Variants in PRMT5 observed in about 807,000 individuals in gnomAD.
PRMT5 encodes protein arginine N-methyltransferase 5.
PRMT5 carries 15 observed loss-of-function variants against 84.0 expected under a neutral mutation model. The observed-to-expected ratio is 0.18, with a 90% CI of 0.12 to 0.28. The LOEUF (loss-of-function observed/expected upper bound fraction) is 0.28. Among genes scored for constraint, PRMT5 ranks in the 10% least tolerant of loss-of-function variants. The probability of loss-of-function intolerance (pLI) is 1.00; values close to 1 mark genes in which losing one functional copy is unlikely to be tolerated. For synonymous variants in PRMT5, 276 were observed against 292.4 expected (o/e 0.94, Z 0.57); for missense variants, 486 against 808.0 (o/e 0.60, Z 4.83).
rs1594512650 is a variant in PRMT5, at chr14:22,923,287, A to T, written c.1376-127T>A. 1 of 634,754 alleles carries T rather than the reference A, an allele frequency of 1.6e-6. No homozygotes were observed. The highest frequency in any genetic ancestry group is 2.7e-6 in the Non-Finnish European group (1 of 370,700). The allele number at this position is 634,754 out of a possible 1,614,324, so 39.3% of individuals were successfully genotyped here. ...CAACGTTGGCATGGGCATGGAAGAA[A>T]GAGACAAATGCATGTTGTCACATTA... On this transcript the variant is annotated intron_variant, in intron 12 of 16. Coordinates refer to ENST00000324366, the MANE Select transcript of PRMT5 (RefSeq NM_006109.5). The surrounding 1 kb of genome is among the most constrained non-coding windows in gnomAD (Gnocchi z 5.2).
chr14:22,926,445 T>C (rs200232555), intron 6 of PRMT5, 61 bp downstream of exon 6: 9 of 1,601,646 alleles, frequency 5.6e-6, no homozygotes, highest in Non-Finnish European at 7.7e-6. Context: ...ATGAAATTCC[T>C]GATTCTTATT....
rs888194289 is a variant in PRMT5 at position 22,928,686 on chromosome 14, G to A, written c.111-71C>T. The A allele has an allele frequency of 7.9e-7, 1 of 1,264,624 alleles. No homozygotes were observed. Among genetic ancestry groups the A allele is most frequent in the South Asian group, 1.2e-5 (1 of 83,690 alleles). The allele number at this position is 1,264,624 out of a possible 1,614,324, so 78.3% of individuals were successfully genotyped here. A position where few individuals can be genotyped will look rare whatever the true frequency, so the allele number is the denominator to read the frequency against. ...CCAGAGAGCCAAGCAACTGGATTTA[G>A]GCTATCTTGATTTTGCACAGCCCTT... On this transcript the variant is annotated intron_variant, in intron 1 of 16. Coordinates refer to ENST00000324366, the MANE Select transcript of PRMT5 (RefSeq NM_006109.5). The surrounding 1 kb of genome is among the most constrained non-coding windows in gnomAD (Gnocchi z 4.8).
Position 22,927,277 on chromosome 14 carries a change from G to A in PRMT5, c.450+249C>T, listed in dbSNP as rs150519062. On this transcript the variant is annotated intron_variant, in intron 4 of 16. Coordinates refer to ENST00000324366, the MANE Select transcript of PRMT5 (RefSeq NM_006109.5). ...ATTTGTGTTTTTTTGTTTTTGTTTT[G>A]GTTTTGGTTTTTTATACAGACAGGA... Among the ~76,000 whole-genome samples, 9 of 151,378 alleles carry A rather than the reference G, an allele frequency of 5.9e-5. 1 individual carries two copies. The highest frequency in any genetic ancestry group is 1.0e-4 in the Non-Finnish European group (7 of 67,802).
At position 22,923,480 on chromosome 14, in the gene PRMT5, A is replaced by G. The variant is rs1038566305; in HGVS notation, c.1376-320T>C. 2.0e-5 allele frequency: 4 copies of G among 198,734 alleles called. No individual in the cohort carries two copies. Among genetic ancestry groups the G allele is most frequent in the Non-Finnish European group, 4.0e-5 (4 of 100,462 alleles). 12.3% of individuals were successfully genotyped at this position (198,734 alleles called of 1,614,324 possible). A position where few individuals can be genotyped will look rare whatever the true frequency, so the allele number is the denominator to read the frequency against. ...AAAGTTCCTGATGAAAGCTAAGCTC[A>G]GGGTACATATGTCATATTTATTTAT... On this transcript the variant is annotated intron_variant, in intron 12 of 16. Transcript: ENST00000324366. This position sits in a 1 kb window ranked among gnomAD's most constrained non-coding sequence, Gnocchi z 5.2.
chr14:22,924,552 G>T lies in PRMT5; in HGVS notation c.1018-15C>A. ...TTATAGATGGCCTGGAGGGAGGAGA[G>T]AATATCCCATGGTTGTAATCCCATC... On this transcript the variant is annotated splice_polypyrimidine_tract_variant and intron_variant, in intron 9 of 16. Transcript: ENST00000324366. This position sits in a 1 kb window ranked among gnomAD's most constrained non-coding sequence, Gnocchi z 6.5. The T allele has an allele frequency of 6.2e-7, 1 of 1,613,786 alleles. No individual in the cohort carries two copies. Among genetic ancestry groups the T allele is most frequent in the East Asian group, 2.2e-5 (1 of 44,872 alleles).
In PRMT5 at chr14:22,924,212, G is replaced by A. The variant is rs778381951; in HGVS notation, c.1200-29C>T. On this transcript the variant is annotated intron_variant, in intron 11 of 16. Coordinates refer to ENST00000324366, the MANE Select transcript of PRMT5 (RefSeq NM_006109.5). The surrounding 1 kb of genome is among the most constrained non-coding windows in gnomAD (Gnocchi z 6.5). Reference sequence around the variant, plus strand: ...AAACAGAGACAATAAGGTAAGGAGAGATGTTAAGGAAATTTGGCAATGAGG... The same window carrying A: ...AAACAGAGACAATAAGGTAAGGAGAAATGTTAAGGAAATTTGGCAATGAGG... The A allele has an allele frequency of 2.4e-5, 38 of 1,611,684 alleles. 1 individual carries two copies. In the South Asian group the frequency reaches 2.9e-4, roughly 12 times the overall value.
rs1423011222 is a variant in PRMT5 at position 22,920,874 on chromosome 14, T to C, written c.*30A>G. On this transcript the variant is annotated 3_prime_UTR_variant, in exon 17 of 17. Coordinates refer to ENST00000324366, the MANE Select transcript of PRMT5 (RefSeq NM_006109.5). The stretch of plus-strand genomic sequence containing the variant: ...TACAGGAGCAGAACCTGAAGCTGCT[T>C]CCAAGGCTCTGGACACTTGGCACGC... The C allele has an allele frequency of 1.9e-6, 3 of 1,612,528 alleles. No homozygotes were observed. In the South Asian group the frequency reaches 3.3e-5, roughly 18 times the overall value.
rs1357378857 is a variant in PRMT5, at chr14:22,922,540, G to A, written c.1599C>T (p.Asn533=). The change falls in exon 15 of 17, where the codon AAC becomes AAT. Residue 533 remains asparagine, a synonymous_variant. Transcript: ENST00000324366. The part of the protein sequence containing the change: ...HPNRDPMIDN[N]RYCTLEFPVE... ...CAGGAAATTCCAAGGTGCAATAGCG[G>A]TTGTTGTCAATCATAGGATCTGTCA... is the stretch of plus-strand genomic sequence containing the variant. 1.9e-6 allele frequency: 3 copies of A among 1,613,844 alleles called. No homozygotes were observed. Among genetic ancestry groups the A allele is most frequent in the Non-Finnish European group, 1.7e-6 (2 of 1,179,736 alleles).
intron 7 of PRMT5, 150 bp from the exon 8 acceptor site, chr14:22,925,190 C>G: frequency 1.1e-6 from 1 of 913,924 alleles, no homozygotes; most frequent in Non-Finnish European, 1.6e-6. Context: ...GAGTCTCGCT[C>G]TATTGCCCAG....
chr14:22,922,119 A>C (rs866127993), intron 16 of PRMT5, 57 bp downstream of exon 16: 2 of 1,427,890 alleles, frequency 1.4e-6, no homozygotes, highest in Middle Eastern at 1.7e-4. Flanking sequence ...GGAAAGAAGC[A>C]CAACACCAAA....
chr14:22,922,633 CAGGAAAGGAAGAGT>C, intron 14 of PRMT5, 74 bp from the exon 15 acceptor site: 2 of 1,519,972 alleles, frequency 1.3e-6, no homozygotes, highest in Non-Finnish European at 1.8e-6. Context: ...GAGCAAGACC[CAGGAAAGGAAGAGT>C]AGATAAGGCA....
chr14:22,927,483 GACT>G (rs1566635906), intron 4 of PRMT5, 40 bp downstream of exon 4: 3 of 1,611,048 alleles, frequency 1.9e-6, no homozygotes, highest in Non-Finnish European at 2.5e-6. Context: ...AGCACAATCT[GACT>G]ACTATGATAT....
rs760261443 is a variant in PRMT5 at position 22,924,437 on chromosome 14, T to G, written c.1076+42A>C. On this transcript the variant is annotated intron_variant, in intron 10 of 16. Coordinates refer to ENST00000324366, the MANE Select transcript of PRMT5 (RefSeq NM_006109.5). The surrounding 1 kb of genome is among the most constrained non-coding windows in gnomAD (Gnocchi z 6.5). ...GTCAAGCAGACTTGGCATATACAGA[T>G]ATAGGTATGCAAGTCCCTGAGATTG... The G allele has an allele frequency of 1.1e-5, 18 of 1,613,776 alleles. No homozygotes were observed. The highest frequency in any genetic ancestry group is 1.4e-5 in the Non-Finnish European group (16 of 1,179,802).
chr14:22,924,590 T>C lies in PRMT5; in HGVS notation c.1017+42A>G. ...TTGTAATCCCATCCTCCCCAGGTCA[T>C]GCTGGCCCTGTGCTTTCCTCACCCT... On this transcript the variant is annotated intron_variant, in intron 9 of 16. Coordinates refer to ENST00000324366, the MANE Select transcript of PRMT5 (RefSeq NM_006109.5). This position sits in a 1 kb window ranked among gnomAD's most constrained non-coding sequence, Gnocchi z 6.5. The C allele has an allele frequency of 2.5e-6, 4 of 1,612,614 alleles. No homozygotes were observed. The highest frequency in any genetic ancestry group is 3.4e-6 in the Non-Finnish European group (4 of 1,178,592).
chr14:22,921,654 G>A (rs142791641), intron 16 of PRMT5, among the ~76,000 whole-genome samples: 1 of 152,160 alleles, frequency 6.6e-6, no homozygotes, highest in Non-Finnish European at 1.5e-5. Context: ...GGAGGCTGAG[G>A]TGGGCGGATC....
At position 22,928,997 on chromosome 14, in the gene PRMT5, TA is replaced by T. The variant is rs2044487626; in HGVS notation, c.110+254del. On this transcript the variant is annotated intron_variant, in intron 1 of 16. Coordinates refer to ENST00000324366, the MANE Select transcript of PRMT5 (RefSeq NM_006109.5). The surrounding 1 kb of genome is among the most constrained non-coding windows in gnomAD (Gnocchi z 4.8). Reference sequence around the variant, plus strand: ...AACACCTCCTCCCACTCCCAGACAATAATCGCGACCTCCAGGGCCCTTTAGA... The same window carrying T: ...AACACCTCCTCCCACTCCCAGACAATATCGCGACCTCCAGGGCCCTTTAGA... 2.5e-6 allele frequency: 2 copies of T among 798,936 alleles called. No individual in the cohort carries two copies. Among genetic ancestry groups the T allele is most frequent in the Admixed American group, 5.6e-5 (2 of 35,458 alleles). The allele number at this position is 798,936 out of a possible 1,614,324, so 49.5% of individuals were successfully genotyped here. A position where few individuals can be genotyped will look rare whatever the true frequency, so the allele number is the denominator to read the frequency against.
At chr14:22,926,111 T>G (rs746392639) in intron 7 of PRMT5, 22 bp downstream of exon 7, 1 of 1,588,266 alleles carries the variant, frequency 6.3e-7, no homozygotes, top group East Asian at 2.2e-5. Context: ...TGGACTACCT[T>G]TAGAACCCTC....
chr14:22,924,274 C>A lies in PRMT5; in HGVS notation c.1195G>T (p.Val399Leu). 1 of 1,614,110 alleles carries A rather than the reference C, an allele frequency of 6.2e-7. No individual in the cohort carries two copies. The highest frequency in any genetic ancestry group is 8.5e-7 in the Non-Finnish European group (1 of 1,179,986). The change falls in exon 11 of 17, where the codon GTG becomes TTG. Residue 399 changes from valine to leucine, a missense_variant. By Grantham distance (32) the Val-to-Leu change is conservative. Transcript: ENST00000324366. This position sits in a 1 kb window ranked among gnomAD's most constrained non-coding sequence, Gnocchi z 6.5. ...AGCAAGCAGGTTGCTACTCACGTCA[C>A]CACGGCATTTGGGTTTTTCTCCACA... is the stretch of plus-strand genomic sequence containing the variant. ...YAVEKNPNAV[V>L]TLENWQFEEW...
At position 22,926,771 on chromosome 14, in the gene PRMT5, T is replaced by C; in HGVS notation, c.494A>G (p.Asp165Gly). The C allele has an allele frequency of 6.2e-7, 1 of 1,614,126 alleles. No homozygotes were observed. The highest frequency in any genetic ancestry group is 8.5e-7 in the Non-Finnish European group (1 of 1,180,020). The change falls in exon 5 of 17, where the codon GAT becomes GGT. Residue 165 changes from aspartate to glycine, a missense_variant. By Grantham distance (94) the Asp-to-Gly change is moderately conservative. Transcript: ENST00000324366. ...AGTTGGTGCATTCTCAATTATATCA[T>C]CTCTCAGGTCCTCTGGTGCCACCAA... ...VPLVAPEDLR[D>G]DIIENAPTTH...
Sources: allele counts gnomAD v4.1 joint callset (sites outside exome capture counted in the v4.1 genomes callset), GRCh38; gene constraint gnomAD v4.1.1; non-coding constraint Gnocchi (gnomAD v3.1); transcripts MANE v1.5; gene names NCBI Gene and HGNC (gene_info 2026-07-23, HGNC 2026-07-21).